RPS6KC1: variants seen among roughly 807,000 people sequenced by gnomAD.
RPS6KC1 encodes the protein inactive ribosomal protein S6 kinase delta-1.
Under a neutral mutation model 103.8 loss-of-function variants are expected in RPS6KC1, and 54 were observed. That is an observed-to-expected ratio of 0.52 (90% CI 0.42 to 0.65). The LOEUF is 0.65. Ranked by LOEUF, RPS6KC1 falls within the 30% of genes least tolerant of loss-of-function variation. RPS6KC1 has a pLI of 0.00. For missense variants in RPS6KC1, 1,151 were observed against 1,253.8 expected, an observed-to-expected ratio of 0.92 and a Z score of 1.24; for synonymous variants, 439 against 438.7, an observed-to-expected ratio of 1.00 and a Z score of -0.01.
chr1:213,191,120 G>A (rs1422847816), intron 8 of RPS6KC1, among the ~76,000 whole-genome samples: 1 of 152,012 alleles, frequency 6.6e-6, no homozygotes, highest in African/African-American at 2.4e-5. Flanking sequence ...GGATTGCATT[G>A]GCTATTCTGG....
At chr1:213,100,970 CA>C (rs2081973528) in intron 3 of RPS6KC1, among the ~76,000 whole-genome samples, 1 of 152,158 alleles carries the variant, frequency 6.6e-6, no homozygotes, top group South Asian at 2.1e-4. Flanking sequence ...ATGGCTGGAT[CA>C]AATGGTAATT....
At chr1:213,176,193 T>G (rs1204087862) in intron 7 of RPS6KC1, among the ~76,000 whole-genome samples, 1 of 152,204 alleles carries the variant, frequency 6.6e-6, no homozygotes, top group Non-Finnish European at 1.5e-5. Context: ...TACTTGCAAC[T>G]TTTTTCTTGC....
chr1:213,134,022 C>T (rs999193249), intron 6 of RPS6KC1, among the ~76,000 whole-genome samples: 7 of 151,844 alleles, frequency 4.6e-5, no homozygotes, highest in African/African-American at 7.3e-5. Flanking sequence ...TCTAGTTGAT[C>T]TTTCAACAAG....
chr1:213,155,462 G>A (rs533441100), intron 6 of RPS6KC1, among the ~76,000 whole-genome samples: 102 of 152,316 alleles, frequency 6.7e-4, no homozygotes, highest in African/African-American at 2.4e-3. Context: ...TCTGGCTAGA[G>A]TGGGTTTAAA....
chr1:213,475,004 T>C, the RPS6KC1 span, among the ~76,000 whole-genome samples: 1 of 152,190 alleles, frequency 6.6e-6, no homozygotes, highest in Non-Finnish European at 1.5e-5. Context: ...TTACCAAGAA[T>C]GTCTTCCATA....
intron 3 of RPS6KC1, among the ~76,000 whole-genome samples, chr1:213,095,596 T>C (rs2081373105): frequency 6.6e-6 from 1 of 152,158 alleles, no homozygotes; most frequent in Admixed American, 6.5e-5. Flanking sequence ...GGAGAGTGTC[T>C]TATATATATT....
the RPS6KC1 span, among the ~76,000 whole-genome samples, chr1:213,769,089 G>A: frequency 6.6e-6 from 1 of 152,158 alleles, no homozygotes. Flanking sequence ...ACTTAGCTTT[G>A]AGGAGCACAA....
the RPS6KC1 span, among the ~76,000 whole-genome samples, chr1:213,318,046 G>A: frequency 1.3e-5 from 2 of 152,240 alleles, no homozygotes; most frequent in Admixed American, 6.5e-5. Context: ...TGGGGGGCAG[G>A]GGCTGTGTTC....
chr1:213,639,771 A>T, the RPS6KC1 span, among the ~76,000 whole-genome samples: 24 of 152,044 alleles, frequency 1.6e-4, no homozygotes, highest in Admixed American at 2.0e-4. Flanking sequence ...GGTGATTTTT[A>T]AAAAAAGATA....
At chr1:213,211,121 A>G (rs1344443202) in intron 8 of RPS6KC1, among the ~76,000 whole-genome samples, 1 of 152,248 alleles carries the variant, frequency 6.6e-6, no homozygotes, top group Non-Finnish European at 1.5e-5. Flanking sequence ...AACTAAAGCT[A>G]AATACAATAG....
chr1:213,790,705 C>T, the RPS6KC1 span, among the ~76,000 whole-genome samples: 2 of 152,124 alleles, frequency 1.3e-5, no homozygotes, highest in Non-Finnish European at 2.9e-5. Flanking sequence ...ATCCAGAGAA[C>T]AGAGAGCTGT....
the RPS6KC1 span, among the ~76,000 whole-genome samples, chr1:213,498,965 A>T: frequency 1.3e-5 from 2 of 150,932 alleles, no homozygotes; most frequent in Admixed American, 1.3e-4. Flanking sequence ...TTTTTAGTAG[A>T]GACAGGGTTT....
the RPS6KC1 span, among the ~76,000 whole-genome samples, chr1:213,607,717 ACACACACACAAAAT>A: frequency 6.6e-6 from 1 of 151,830 alleles, no homozygotes; most frequent in African/African-American, 2.4e-5. Flanking sequence ...ACACACACAC[ACACACACACAAAAT>A]AAATAAAAAA....
the RPS6KC1 span, among the ~76,000 whole-genome samples, chr1:213,541,297 A>C: frequency 1.3e-5 from 2 of 151,328 alleles, no homozygotes; most frequent in Non-Finnish European, 2.9e-5. Context: ...TGGTAACATC[A>C]AAGATCATTG....
At chr1:213,600,600 T>C in the RPS6KC1 span, among the ~76,000 whole-genome samples, 1 of 152,148 alleles carries the variant, frequency 6.6e-6, no homozygotes, top group Admixed American at 6.5e-5. Flanking sequence ...AAGATAGGTG[T>C]CTGTTTAGGG....
chr1:213,250,686 A>T (rs980658965), intron 12 of RPS6KC1, among the ~76,000 whole-genome samples: 1 of 152,174 alleles, frequency 6.6e-6, no homozygotes, highest in African/African-American at 2.4e-5. Context: ...ACTTTAAGCT[A>T]TTAAACTTTG....
chr1:213,609,198 T>A, the RPS6KC1 span, among the ~76,000 whole-genome samples: 7 of 152,346 alleles, frequency 4.6e-5, no homozygotes, highest in South Asian at 1.5e-3. Flanking sequence ...GTCTAGGAGT[T>A]CTAAATCCTG....
In RPS6KC1 at chr1:213,058,445, G is replaced by GTTT. The variant is rs199643857; in HGVS notation, c.105+6940_105+6942dup. On this transcript the variant is annotated intron_variant, in intron 1 of 14. Coordinates refer to ENST00000366960, the MANE Select transcript of RPS6KC1 (RefSeq NM_012424.6). The stretch of plus-strand genomic sequence containing the variant: ...GATCCATTTTGAGGTTTTTTTTTTT[G>GTTT]TTTTTTGTTTTTTTATAAGGTGTAA... Among the ~76,000 whole-genome samples the GTTT allele has an allele frequency of 8.4e-3, 1,196 of 143,088 alleles. 6 individuals carry two copies. The highest frequency in any genetic ancestry group is 0.012 in the Non-Finnish European group (782 of 64,958). 93.9% of individuals were successfully genotyped at this position (143,088 alleles called of 152,430 possible).
chr1:213,782,097 T>C, the RPS6KC1 span, among the ~76,000 whole-genome samples: 1 of 151,992 alleles, frequency 6.6e-6, no homozygotes, highest in African/African-American at 2.4e-5. Flanking sequence ...AGTTCAGTGG[T>C]TTAACACAAC....
Sources: allele counts gnomAD v4.1 joint callset (sites outside exome capture counted in the v4.1 genomes callset), GRCh38; gene constraint gnomAD v4.1.1; transcripts MANE v1.5; gene names NCBI Gene and HGNC (gene_info 2026-07-23, HGNC 2026-07-21).